Variants in ZRANB3 observed in about 807,000 individuals in gnomAD.
The protein encoded by ZRANB3 is DNA annealing helicase and endonuclease ZRANB3.
In ZRANB3, 125 loss-of-function variants were observed where a neutral mutation model predicts 133.8. The ratio of observed to expected loss-of-function variants is 0.93; its 90% CI spans 0.81 to 1.08. ZRANB3 has a LOEUF of 1.08. ZRANB3 is among the 50% of genes least tolerant of loss of function. ZRANB3 has a pLI of 0.00. For synonymous variants in ZRANB3, 387 were observed against 432.7 expected, an observed-to-expected ratio of 0.89 and a Z score of 1.31; for missense variants, 1,229 against 1,275.5, an observed-to-expected ratio of 0.96 and a Z score of 0.56.
At chr2:135,352,441 T>C (rs1685253033) in intron 4 of ZRANB3, among the ~76,000 whole-genome samples, 1 of 152,166 alleles carries the variant, frequency 6.6e-6, no homozygotes, top group Non-Finnish European at 1.5e-5. Flanking sequence ...GTAAGTCTTT[T>C]CAATTTCATT....
chr2:135,309,818 T>C (rs930695371), intron 8 of ZRANB3, among the ~76,000 whole-genome samples: 1 of 152,198 alleles, frequency 6.6e-6, no homozygotes, highest in Non-Finnish European at 1.5e-5. Flanking sequence ...CCAACAAAAT[T>C]GTATACACTT....
At chr2:135,351,265 CTTTTTTTTTTT>C (rs34205567) in intron 4 of ZRANB3, among the ~76,000 whole-genome samples, 1 of 119,702 alleles carries the variant, frequency 8.4e-6, no homozygotes, top group Admixed American at 8.7e-5. Context: ...CTATAATTTT[CTTTTTTTTTTT>C]TTTTTTTTTG....
In ZRANB3 at chr2:135,491,040, TTAGA is replaced by T. The variant is rs1423067299; in HGVS notation, c.161+13285_161+13288del. 4.6e-5 allele frequency among the ~76,000 whole-genome samples: 7 copies of T among 152,140 alleles called. No homozygotes were observed. In the East Asian group the frequency reaches 1.4e-3, roughly 29 times the overall value. On this transcript the variant is annotated intron_variant, in intron 2 of 20. Transcript: ENST00000264159. ...TTGATTAATGGGTACAAATATACAGTTAGATAGAAGAAATAATACCTAACGTTTG... is the reference window on the plus strand; with the variant it reads ...TTGATTAATGGGTACAAATATACAGTTAGAAGAAATAATACCTAACGTTTG...
At chr2:135,249,902 G>T (rs562873738) in intron 12 of ZRANB3, among the ~76,000 whole-genome samples, 1 of 152,338 alleles carries the variant, frequency 6.6e-6, no homozygotes, top group African/African-American at 2.4e-5. Flanking sequence ...ACTGGTACCA[G>T]TAGAGTGGGG....
At chr2:135,517,154 T>C (rs1021073256) in intron 1 of ZRANB3, among the ~76,000 whole-genome samples, 2 of 152,028 alleles carry the variant, frequency 1.3e-5, no homozygotes, top group African/African-American at 4.8e-5. Flanking sequence ...AAACTGGTTA[T>C]TGTAGTTAGC....
intron 8 of ZRANB3, among the ~76,000 whole-genome samples, chr2:135,279,862 T>TA (rs1681014583): frequency 2.0e-5 from 3 of 152,370 alleles, no homozygotes; most frequent in South Asian, 4.1e-4. Flanking sequence ...TATTGCTTTT[T>TA]AGGAGAAAAT....
intron 6 of ZRANB3, among the ~76,000 whole-genome samples, chr2:135,335,237 A>G (rs1684316756): frequency 6.6e-6 from 1 of 152,114 alleles, no homozygotes; most frequent in Non-Finnish European, 1.5e-5. Context: ...ACAAAATATC[A>G]ATGACAAATA....
chr2:135,434,410 G>C (rs1369290382), intron 2 of ZRANB3, among the ~76,000 whole-genome samples: 1 of 152,068 alleles, frequency 6.6e-6, no homozygotes, highest in African/African-American at 2.4e-5. Context: ...TAAATTAGGA[G>C]AGAACTAGGA....
At chr2:135,481,042 C>T (rs552812002) in intron 2 of ZRANB3, among the ~76,000 whole-genome samples, 1 of 152,044 alleles carries the variant, frequency 6.6e-6, no homozygotes, top group East Asian at 1.9e-4. Context: ...GGTTCCAAGT[C>T]TTTGTTATTG....
At chr2:135,431,116 A>T (rs888049342) in intron 2 of ZRANB3, among the ~76,000 whole-genome samples, 7 of 151,110 alleles carry the variant, frequency 4.6e-5, no homozygotes, top group African/African-American at 1.7e-4. Flanking sequence ...CCCTAAAAAA[A>T]AAAAAAATAA....
intron 2 of ZRANB3, among the ~76,000 whole-genome samples, chr2:135,468,805 C>G (rs1359748038): frequency 2.6e-5 from 4 of 152,140 alleles, no homozygotes; most frequent in Non-Finnish European, 5.9e-5. Flanking sequence ...ACAGATCTGA[C>G]AGACATATTT....
intron 3 of ZRANB3, among the ~76,000 whole-genome samples, chr2:135,360,923 T>A: frequency 7.2e-6 from 1 of 138,088 alleles, no homozygotes; most frequent in East Asian, 2.1e-4. Context: ...CACACCACCA[T>A]GCCTGTTTTT....
At position 135,278,720 on chromosome 2, in the gene ZRANB3, C is replaced by A. The variant is rs573893760; in HGVS notation, c.967-2965G>T. Among the ~76,000 whole-genome samples, 5 of 152,170 alleles carry A rather than the reference C, an allele frequency of 3.3e-5. No individual in the cohort carries two copies. In the South Asian group the frequency reaches 1.0e-3, roughly 32 times the overall value. On this transcript the variant is annotated intron_variant, in intron 8 of 20. Coordinates refer to ENST00000264159, the MANE Select transcript of ZRANB3 (RefSeq NM_032143.4). ...AACTAATAAAAGAAGAAAAGAAAAA[C>A]CTTTATAATTATTAATGCCAAAGAA... is the stretch of plus-strand genomic sequence containing the variant.
intron 3 of ZRANB3, among the ~76,000 whole-genome samples, chr2:135,365,448 A>G (rs1262245143): frequency 6.6e-6 from 1 of 152,234 alleles, no homozygotes; most frequent in Non-Finnish European, 1.5e-5. Flanking sequence ...TATAAGGCTC[A>G]ATGATCAACC....
At chr2:135,210,161 AACTGGAGTCTG>A (rs1287647577) in intron 17 of ZRANB3, among the ~76,000 whole-genome samples, 1 of 152,148 alleles carries the variant, frequency 6.6e-6, no homozygotes, top group East Asian at 1.9e-4. Flanking sequence ...AGACAGCAGT[AACTGGAGTCTG>A]ACTGACATCC....
At chr2:135,258,279 T>C (rs1188155204) in intron 12 of ZRANB3, among the ~76,000 whole-genome samples, 1 of 152,188 alleles carries the variant, frequency 6.6e-6, no homozygotes, top group Non-Finnish European at 1.5e-5. Context: ...AATAACATAA[T>C]GTTATGTAAG....
chr2:135,312,115 AT>A (rs201623200), intron 8 of ZRANB3, among the ~76,000 whole-genome samples: 2 of 138,776 alleles, frequency 1.4e-5, no homozygotes, highest in African/African-American at 6.2e-5. Context: ...CATTGTATTT[AT>A]TTTTTTATTT....
Position 135,207,622 on chromosome 2 carries a change from G to C in ZRANB3, c.2821C>G (p.Gln941Glu). The C allele has an allele frequency of 6.2e-7, 1 of 1,614,000 alleles. No homozygotes were observed. Among genetic ancestry groups the C allele is most frequent in the Non-Finnish European group, 8.5e-7 (1 of 1,179,886 alleles). The change falls in exon 19 of 21, where the codon CAG becomes GAG. Residue 941 changes from glutamine (Q) to glutamate (E), a missense_variant. Gln to Glu is a conservative substitution (Grantham distance 29). Transcript: ENST00000264159. ...WDSRFCSLKC[Q>E]EEFWIRSNNS... is the part of the protein sequence containing the mutation. ...TTAGATCGAATCCAAAACTCTTCCT[G>C]ACATTTCAGAGAGCAAAACCGTGAA... is the stretch of plus-strand genomic sequence containing the variant.
intron 3 of ZRANB3, among the ~76,000 whole-genome samples, chr2:135,371,242 T>A (rs1290103038): frequency 6.6e-6 from 1 of 152,230 alleles, no homozygotes; most frequent in African/African-American, 2.4e-5. Context: ...CTGCTAGTCA[T>A]AAAGAACATT....
Sources: gnomAD v4.1 joint callset for allele counts (sites outside exome capture counted in the v4.1 genomes callset) on GRCh38, gnomAD v4.1.1 for gene constraint, MANE v1.5 for transcripts, NCBI Gene and HGNC (gene_info 2026-07-23, HGNC 2026-07-21) for gene names.